Variants in PPP2R5E observed in about 807,000 individuals in gnomAD.
PPP2R5E encodes the protein protein phosphatase 2 regulatory subunit B'epsilon.
In PPP2R5E, 4 loss-of-function variants were observed where a neutral mutation model predicts 65.3. That is an observed-to-expected ratio of 0.06 (90% CI 0.03 to 0.14). The LOEUF (loss-of-function observed/expected upper bound fraction) is 0.14. PPP2R5E is among the 10% of genes least tolerant of loss of function. The pLI, the probability that PPP2R5E is intolerant of heterozygous loss-of-function variation, is 1.00. For synonymous variants in PPP2R5E, 183 were observed against 187.4 expected (o/e 0.98, Z 0.19); for missense variants, 274 against 556.1 (o/e 0.49, Z 5.10).
At chr14:63,501,719 T>C (rs1307142415) in intron 2 of PPP2R5E, among the ~76,000 whole-genome samples, 1 of 152,198 alleles carries the variant, frequency 6.6e-6, no homozygotes, top group Non-Finnish European at 1.5e-5. Flanking sequence ...AGTACGTGAA[T>C]TATGTCTCAA....
At chr14:63,527,535 C>G (rs1168302786) in intron 2 of PPP2R5E, among the ~76,000 whole-genome samples, 1 of 152,190 alleles carries the variant, frequency 6.6e-6, no homozygotes, top group Admixed American at 6.5e-5. Context: ...TACAGTGTAT[C>G]TAGCACTAGG....
intron 2 of PPP2R5E, among the ~76,000 whole-genome samples, chr14:63,519,913 G>A (rs1429530686): frequency 6.6e-6 from 1 of 151,934 alleles, no homozygotes; most frequent in Non-Finnish European, 1.5e-5. Context: ...GCCCGCCTCG[G>A]CCTCCCAAAG....
At chr14:63,462,670 T>C (rs962025842) in intron 2 of PPP2R5E, among the ~76,000 whole-genome samples, 8 of 152,218 alleles carry the variant, frequency 5.3e-5, no homozygotes, top group Non-Finnish European at 1.2e-4. Flanking sequence ...TTTTCATTTT[T>C]AAATTATAAC....
intron 1 of PPP2R5E, among the ~76,000 whole-genome samples, chr14:63,541,038 G>A (rs937265049): frequency 1.3e-5 from 2 of 152,206 alleles, no homozygotes; most frequent in Middle Eastern, 3.4e-3. Flanking sequence ...AAAACCCTTA[G>A]TGTACTTCAA....
In PPP2R5E at chr14:63,384,557, T is replaced by C. The variant is rs1334655318; in HGVS notation, c.1089A>G (p.Ala363=). The C allele has an allele frequency of 1.2e-6, 2 of 1,610,834 alleles. No individual in the cohort carries two copies. Among genetic ancestry groups the C allele is most frequent in the South Asian group, 2.2e-5 (2 of 90,322 alleles). ...TGTATTCATTATTCCAATAATAGAG[T>C]GCTCTTTCTGCCACCTTTGGGAAAA... ...SSPHFQVAER[A]LYYWNNEYIM... The change falls in exon 12 of 14, where the codon GCA becomes GCG. Residue 363 remains alanine, a synonymous_variant. Transcript: ENST00000337537.
intron 2 of PPP2R5E, among the ~76,000 whole-genome samples, chr14:63,500,437 T>A (rs575527877): frequency 6.6e-6 from 1 of 152,348 alleles, no homozygotes; most frequent in African/African-American, 2.4e-5. Flanking sequence ...ATCGTTTACA[T>A]TGACTAAATT....
At chr14:63,401,233 G>A (rs1373878858) in intron 5 of PPP2R5E, among the ~76,000 whole-genome samples, 1 of 152,034 alleles carries the variant, frequency 6.6e-6, no homozygotes, top group African/African-American at 2.4e-5. Context: ...AACAAGGGGG[G>A]GTAGGATGAA....
intron 2 of PPP2R5E, among the ~76,000 whole-genome samples, chr14:63,462,992 C>T (rs1280185390): frequency 6.7e-6 from 1 of 149,936 alleles, no homozygotes; most frequent in Non-Finnish European, 1.5e-5. Flanking sequence ...ATCCCAGCTA[C>T]CCGGGAGGCT....
chr14:63,395,476 G>A (rs866354810), intron 6 of PPP2R5E, among the ~76,000 whole-genome samples, 191 bp from the exon 7 acceptor site: 9 of 9,798 alleles, frequency 9.2e-4, no homozygotes, highest in African/African-American at 5.8e-3. Flanking sequence ...GGGAAGAGAG[G>A]AGGAGGAGAG....
chr14:63,438,584 AT>A (rs1888052686), intron 3 of PPP2R5E, among the ~76,000 whole-genome samples: 1 of 152,182 alleles, frequency 6.6e-6, no homozygotes, highest in Non-Finnish European at 1.5e-5. Context: ...CAGGGGGAGT[AT>A]ACTCATTACA....
chr14:63,470,771 C>G (rs1890084620), intron 2 of PPP2R5E, among the ~76,000 whole-genome samples: 1 of 148,680 alleles, frequency 6.7e-6, no homozygotes, highest in African/African-American at 2.5e-5. Flanking sequence ...CACCTATAAT[C>G]CCAACACTTT....
chr14:63,430,369 A>ACATACATACATACATG (rs1887581648), intron 3 of PPP2R5E, among the ~76,000 whole-genome samples: 7 of 135,034 alleles, frequency 5.2e-5, no homozygotes, highest in African/African-American at 2.2e-4. Context: ...ATACATACAT[A>ACATACATACATACATG]CATGCATGCA....
At chr14:63,416,386 T>C (rs531159404) in intron 4 of PPP2R5E, among the ~76,000 whole-genome samples, 31 of 152,218 alleles carry the variant, frequency 2.0e-4, no homozygotes, top group Non-Finnish European at 3.2e-4. Flanking sequence ...CCTGAGCAAG[T>C]TAACTTCTCT....
rs11844808 is a variant in PPP2R5E at position 63,518,039 on chromosome 14, T to C, written c.157+21490A>G. ...TACTTTAATAACACAGTGGCATCCATAGAACATATAGCTGAGCCTACAGAT... is the reference window on the plus strand; with the variant it reads ...TACTTTAATAACACAGTGGCATCCACAGAACATATAGCTGAGCCTACAGAT... On this transcript the variant is annotated intron_variant, in intron 2 of 13. Coordinates refer to ENST00000337537, the MANE Select transcript of PPP2R5E (RefSeq NM_006246.5). Among the ~76,000 whole-genome samples, 991 of 148,568 alleles carry C rather than the reference T, an allele frequency of 6.7e-3. 7 individuals carry two copies. The highest frequency in any genetic ancestry group is 0.023 in the African/African-American group (904 of 39,968).
intron 2 of PPP2R5E, among the ~76,000 whole-genome samples, chr14:63,519,445 G>A (rs1484102985): frequency 6.6e-6 from 1 of 151,420 alleles, no homozygotes; most frequent in African/African-American, 2.4e-5. Flanking sequence ...CTGCCTCCCG[G>A]GTTCAAGTGA....
intron 2 of PPP2R5E, among the ~76,000 whole-genome samples, chr14:63,538,564 T>G (rs551326662): frequency 6.6e-6 from 1 of 151,234 alleles, no homozygotes. Flanking sequence ...CAACCTGCAC[T>G]TTCACTCTGT....
At chr14:63,463,980 T>C (rs979312483) in intron 2 of PPP2R5E, among the ~76,000 whole-genome samples, 3 of 152,208 alleles carry the variant, frequency 2.0e-5, no homozygotes, top group African/African-American at 2.4e-5. Context: ...AAGATGAGTA[T>C]ACAACATTAA....
intron 2 of PPP2R5E, among the ~76,000 whole-genome samples, chr14:63,493,679 C>A (rs576283783): frequency 6.6e-6 from 1 of 152,098 alleles, no homozygotes; most frequent in African/African-American, 2.4e-5. Context: ...ATATTTCTGA[C>A]AAAATTTCTG....
At chr14:63,518,074 T>C (rs945006144) in intron 2 of PPP2R5E, among the ~76,000 whole-genome samples, 5 of 152,292 alleles carry the variant, frequency 3.3e-5, no homozygotes, top group Admixed American at 1.3e-4. Context: ...TAGATTTTAT[T>C]TTATTAATTT....
Sources: allele counts gnomAD v4.1 joint callset (sites outside exome capture counted in the v4.1 genomes callset), GRCh38; gene constraint gnomAD v4.1.1; transcripts MANE v1.5; gene names NCBI Gene and HGNC (gene_info 2026-07-23, HGNC 2026-07-21).